The following GLOD4 variants were observed in gnomAD, a reference collection of about 807,000 sequenced individuals.
GLOD4 encodes glyoxalase domain-containing protein 4.
Under a neutral mutation model 39.1 loss-of-function variants are expected in GLOD4, and 44 were observed. The ratio of observed to expected loss-of-function variants is 1.13; its 90% confidence interval spans 0.88 to 1.45. The LOEUF (loss-of-function observed/expected upper bound fraction) is 1.45, where lower values mean the gene tolerates loss of function less well. GLOD4 is among the 40% of genes most tolerant of loss of function. GLOD4 has a pLI of 0.00. For synonymous variants in GLOD4, 145 were observed against 135.0 expected, an observed-to-expected ratio of 1.07 and a Z score of -0.52; for missense variants, 405 against 366.4, an observed-to-expected ratio of 1.11 and a Z score of -0.86.
intron 1 of GLOD4, among the ~76,000 whole-genome samples, chr17:781,598 G>T (rs77564477): frequency 3.9e-5 from 6 of 152,102 alleles, no homozygotes; most frequent in African/African-American, 1.4e-4. Context: ...ATCAAAGGAG[G>T]TCCCCAAAAC....
upstream of GLOD4, chr17:782,496 G>C (rs763183820): frequency 1.2e-6 from 2 of 1,613,624 alleles, no homozygotes; most frequent in Middle Eastern, 1.7e-4. Flanking sequence ...CCCAGTGAAA[G>C]TGGTGTTTCC....
At chr17:763,831 G>A (rs1448494016) in intron 8 of GLOD4, 1 of 152,196 alleles carries the variant, frequency 6.6e-6, no homozygotes, top group Non-Finnish European at 1.5e-5. Context: ...GGTCTGGACA[G>A]AGAAAGTGCT....
chr17:769,211 G>T (rs1311332059), intron 8 of GLOD4, among the ~76,000 whole-genome samples: 1 of 151,708 alleles, frequency 6.6e-6, no homozygotes, highest in African/African-American at 2.4e-5. Context: ...GGAGAGCTGA[G>T]GGGGTCAGAT....
upstream of GLOD4, chr17:783,372 T>C (rs774277438): frequency 6.5e-6 from 10 of 1,535,952 alleles, no homozygotes; most frequent in South Asian, 1.1e-4. Context: ...TGTCTTGTTC[T>C]GTCACCCAGG....
chr17:766,951 G>T (rs1033633807), intron 8 of GLOD4, among the ~76,000 whole-genome samples: 2 of 152,220 alleles, frequency 1.3e-5, no homozygotes, highest in Non-Finnish European at 2.9e-5. Context: ...AGGAGGAAGA[G>T]TCTGGCAAAT....
rs1332114922 is a variant in GLOD4, at chr17:770,082, C to G, written c.706G>C (p.Gly236Arg). 3 of 1,612,660 alleles carry G rather than the reference C, an allele frequency of 1.9e-6. No homozygotes were observed. The highest frequency in any genetic ancestry group is 1.7e-6 in the Non-Finnish European group (2 of 1,178,820). The change falls in exon 7 of 9, where the codon GGG (glycine) becomes CGG (arginine). Residue 236 changes from glycine (G) to arginine (R), a missense_variant. By Grantham distance (125) the Gly-to-Arg change is moderately radical. Coordinates refer to ENST00000301329, the MANE Select transcript of GLOD4 (RefSeq NM_016080.4). ...LTPLVSLDTP[G>R]KATVQVVILA... is the part of the protein sequence containing the mutation. ...ATGACCACCTGTACTGTTGCTTTCCCTGGGGTGTCCAGGCTCACCAGGGGA... is the reference window on the plus strand; with the variant it reads ...ATGACCACCTGTACTGTTGCTTTCCGTGGGGTGTCCAGGCTCACCAGGGGA...
chr17:773,164 A>C (rs1386959286), intron 4 of GLOD4, among the ~76,000 whole-genome samples: 1 of 152,212 alleles, frequency 6.6e-6, no homozygotes, highest in Non-Finnish European at 1.5e-5. Flanking sequence ...AAATCAGTAC[A>C]TTTCTGGGCA....
At chr17:783,130 G>T (rs1910269689), upstream of GLOD4, 4 of 1,613,966 alleles carry the variant, frequency 2.5e-6, no homozygotes, top group Non-Finnish European at 3.4e-6. Context: ...GAAAAACAAG[G>T]GAAGATCCTG....
At chr17:783,289 A>C (rs1028870603), upstream of GLOD4, 2 of 1,613,756 alleles carry the variant, frequency 1.2e-6, no homozygotes, top group Non-Finnish European at 1.7e-6. Context: ...GAGGATATCA[A>C]GGATTGGTCC....
rs908098722 is a variant in GLOD4 at position 759,480 on chromosome 17, T to C, written c.*693A>G. 1 of 152,164 alleles carries C rather than the reference T, an allele frequency of 6.6e-6. No homozygotes were observed. Among genetic ancestry groups the C allele is most frequent in the Non-Finnish European group, 1.5e-5 (1 of 68,032 alleles). 9.4% of individuals were successfully genotyped at this position (152,164 alleles called of 1,614,324 possible). On this transcript the variant is annotated 3_prime_UTR_variant, in exon 9 of 9. Coordinates refer to ENST00000301329, the MANE Select transcript of GLOD4 (RefSeq NM_016080.4). Reference sequence around the variant, plus strand: ...GCTGAAGAAATCGTTTAATCCATTTTAAAGAAATCTCACATGATGTTCTGT... The same window carrying C: ...GCTGAAGAAATCGTTTAATCCATTTCAAAGAAATCTCACATGATGTTCTGT...
chr17:780,079 G>C (rs543337848), intron 1 of GLOD4, among the ~76,000 whole-genome samples: 4 of 152,252 alleles, frequency 2.6e-5, no homozygotes, highest in Admixed American at 1.3e-4. Context: ...CAGGAGAATG[G>C]TGTGAACCCA....
At chr17:772,874 G>A (rs556122490) in intron 4 of GLOD4, among the ~76,000 whole-genome samples, 3 of 151,932 alleles carry the variant, frequency 2.0e-5, no homozygotes, top group South Asian at 2.1e-4. Context: ...GGGCGCCTGT[G>A]GTCCCAGCTA....
chr17:775,299 T>C (rs1908716756), intron 4 of GLOD4, among the ~76,000 whole-genome samples: 1 of 151,388 alleles, frequency 6.6e-6, no homozygotes, highest in African/African-American at 2.4e-5. Context: ...TCTCCTCTCC[T>C]ACCAGATGGG....
intron 4 of GLOD4, 68 bp from the exon 5 acceptor site, chr17:771,529 C>G (rs1239418192): frequency 1.2e-6 from 1 of 830,840 alleles, no homozygotes; most frequent in African/African-American, 1.8e-5. Context: ...CCAAAACATG[C>G]GCATGTATAC....
At position 770,479 on chromosome 17, in the gene GLOD4, C is replaced by T; in HGVS notation, c.572G>A (p.Gly191Asp). The change falls in exon 6 of 9, where the codon GGT becomes GAT. Residue 191 changes from glycine to aspartate, a missense_variant. Gly to Asp is a moderately conservative substitution (Grantham distance 94, BLOSUM62 -1). Transcript: ENST00000301329. Reference protein sequence around the residue: ...QCKLELQGVKGGVDHAAAFGR... With the variant: ...QCKLELQGVKDGVDHAAAFGR... ...AAAAGCTGCTGCATGGTCCACCCCACCCTTGACGCCCTGTAGCTCCAGCTT... is the reference window on the plus strand; with the variant it reads ...AAAAGCTGCTGCATGGTCCACCCCATCCTTGACGCCCTGTAGCTCCAGCTT... 1 of 1,584,384 alleles carries T rather than the reference C, an allele frequency of 6.3e-7. No homozygotes were observed. Among genetic ancestry groups the T allele is most frequent in the South Asian group, 1.1e-5 (1 of 90,548 alleles).
intron 2 of GLOD4, chr17:777,435 A>T (rs1162581419): frequency 6.2e-6 from 1 of 162,000 alleles, no homozygotes; most frequent in Non-Finnish European, 1.4e-5. Flanking sequence ...TGAGGTCAGG[A>T]GTTCGAGACC....
intron 4 of GLOD4, among the ~76,000 whole-genome samples, chr17:773,864 C>T (rs1017157693): frequency 2.0e-5 from 3 of 152,126 alleles, no homozygotes; most frequent in Non-Finnish European, 4.4e-5. Flanking sequence ...GAAGTTAACG[C>T]GTGGGTGAAG....
chr17:779,189 C>A (rs1331140582), intron 1 of GLOD4, among the ~76,000 whole-genome samples: 2 of 151,854 alleles, frequency 1.3e-5, no homozygotes, highest in African/African-American at 4.8e-5. Context: ...GTGGCGTGTG[C>A]TTGTGATCCC....
rs541992456 is a variant in GLOD4, at chr17:772,508, A to G, written c.407-1047T>C. On this transcript the variant is annotated intron_variant, in intron 4 of 8. Coordinates refer to ENST00000301329, the MANE Select transcript of GLOD4 (RefSeq NM_016080.4). The stretch of plus-strand genomic sequence containing the variant: ...GAAAACTCCTAGACAACAACCAAGA[A>G]AAGGAATTACAATCAAAACTAGAGT... 1.7e-4 allele frequency among the ~76,000 whole-genome samples: 26 copies of G among 152,290 alleles called. 1 individual carries two copies. In the East Asian group the frequency reaches 4.4e-3, roughly 26 times the overall value.
Sources: gnomAD v4.1 joint callset for allele counts (sites outside exome capture counted in the v4.1 genomes callset) on GRCh38, gnomAD v4.1.1 for gene constraint, MANE v1.5 for transcripts, NCBI Gene and HGNC (gene_info 2026-07-23, HGNC 2026-07-21) for gene names.